SASH1: variants seen among roughly 807,000 people sequenced by gnomAD.
The protein encoded by SASH1 is SAM and SH3 domain containing 1, also known as SAM and SH3 domain-containing protein 1.
A neutral mutation model predicts 125.2 loss-of-function variants in SASH1; 44 were observed. The ratio of observed to expected loss-of-function variants is 0.35; its 90% CI spans 0.28 to 0.45. The LOEUF (loss-of-function observed/expected upper bound fraction) is 0.45, where lower values mean the gene tolerates loss of function less well. SASH1 is among the 20% of genes least tolerant of loss of function. The probability of loss-of-function intolerance (pLI) is 1.00; values close to 1 mark genes in which losing one functional copy is unlikely to be tolerated. For synonymous variants in SASH1, 639 were observed against 649.1 expected (o/e 0.98, Z 0.24); for missense variants, 1,426 against 1,614.5 (o/e 0.88, Z 2.00).
At chr6:148,398,956 T>TG (rs1784060825) in intron 2 of SASH1, among the ~76,000 whole-genome samples, 1 of 152,228 alleles carries the variant, frequency 6.6e-6, no homozygotes. Flanking sequence ...CATGGCACTA[T>TG]GGGAACGTGG....
At position 148,545,998 on chromosome 6, in the gene SASH1, C is replaced by A. The variant is rs1782534752; in HGVS notation, c.3349-17C>A. ...TCCTTATGACTCTTGATGTCATATT[C>A]CTGTTCTCCCTGGCAGCATGGCCGC... On this transcript the variant is annotated splice_polypyrimidine_tract_variant and intron_variant, in intron 18 of 19. Transcript: ENST00000367467. The A allele has an allele frequency of 6.2e-7, 1 of 1,611,070 alleles. No individual in the cohort carries two copies. The highest frequency in any genetic ancestry group is 1.1e-5 in the South Asian group (1 of 90,572).
upstream of SASH1, among the ~76,000 whole-genome samples, chr6:148,338,419 T>C (rs1353487730): frequency 9.2e-6 from 1 of 108,872 alleles, no homozygotes; most frequent in Non-Finnish European, 1.8e-5. Context: ...AGAGTGAGAC[T>C]CCATCTCAAA....
chr6:148,349,880 C>G (rs1053625751), intron 1 of SASH1, among the ~76,000 whole-genome samples: 1 of 150,062 alleles, frequency 6.7e-6, no homozygotes, highest in Non-Finnish European at 1.5e-5. Flanking sequence ...GAGTCTCGCT[C>G]TGTCGCCCAG....
chr6:148,471,607 G>A (rs530571321), intron 6 of SASH1, 104 bp downstream of exon 6: 14 of 708,458 alleles, frequency 2.0e-5, no homozygotes, highest in Admixed American at 8.1e-5. Context: ...GTAACTCACC[G>A]CATGTGCCCA....
chr6:148,541,019 G>T (rs2115441409), intron 17 of SASH1, among the ~76,000 whole-genome samples: 1 of 152,162 alleles, frequency 6.6e-6, no homozygotes, highest in Non-Finnish European at 1.5e-5. Flanking sequence ...CAGTCAGGAA[G>T]TGTAATCAGT....
Position 148,551,688 on chromosome 6 carries a change from T to A in SASH1, c.*3130T>A, listed in dbSNP as rs1322431178. The A allele has an allele frequency of 6.6e-6, 1 of 152,638 alleles. No individual in the cohort carries two copies. Among genetic ancestry groups the A allele is most frequent in the Non-Finnish European group, 1.5e-5 (1 of 68,030 alleles). 9.5% of individuals were successfully genotyped at this position (152,638 alleles called of 1,614,324 possible). A position where few individuals can be genotyped will look rare whatever the true frequency, so the allele number is the denominator to read the frequency against. On this transcript the variant is annotated 3_prime_UTR_variant, in exon 20 of 20. Coordinates refer to ENST00000367467, the MANE Select transcript of SASH1 (RefSeq NM_015278.5). The stretch of plus-strand genomic sequence containing the variant: ...ATTTTCAGAAAAAAATATAATAGTC[T>A]GAGTCCAAGTTATCTTGATTTAAAA...
At chr6:148,206,472 C>A in the SASH1 span, among the ~76,000 whole-genome samples, 1 of 152,002 alleles carries the variant, frequency 6.6e-6, no homozygotes, top group African/African-American at 2.4e-5. Context: ...ATATAACTTG[C>A]CATAAATAGA....
At chr6:148,460,804 A>G (rs1226721570) in intron 4 of SASH1, among the ~76,000 whole-genome samples, 1 of 152,242 alleles carries the variant, frequency 6.6e-6, no homozygotes, top group Non-Finnish European at 1.5e-5. Context: ...TCTAAAAAAC[A>G]TACAAATTGC....
At chr6:148,469,889 G>C (rs1375772563) in intron 5 of SASH1, among the ~76,000 whole-genome samples, 1 of 151,958 alleles carries the variant, frequency 6.6e-6, no homozygotes, top group Non-Finnish European at 1.5e-5. Context: ...AGCTGGGCGT[G>C]GTGGCTCCTG....
intron 1 of SASH1, among the ~76,000 whole-genome samples, chr6:148,308,215 C>T (rs936556443): frequency 2.0e-5 from 3 of 151,850 alleles, no homozygotes; most frequent in South Asian, 2.1e-4. Flanking sequence ...ATATATGTAT[C>T]GCACCTTGGG....
chr6:148,252,366 T>A, the SASH1 span, among the ~76,000 whole-genome samples: 1 of 152,192 alleles, frequency 6.6e-6, no homozygotes, highest in Non-Finnish European at 1.5e-5. Flanking sequence ...GCCATTTTTT[T>A]AGGATGTGAT....
intron 2 of SASH1, among the ~76,000 whole-genome samples, chr6:148,401,277 C>T (rs946164061): frequency 1.3e-5 from 2 of 151,412 alleles, no homozygotes; most frequent in Non-Finnish European, 2.9e-5. Context: ...AAAATTGATG[C>T]GGTCACATCA....
At chr6:148,240,847 CA>C in the SASH1 span, among the ~76,000 whole-genome samples, 1 of 152,148 alleles carries the variant, frequency 6.6e-6, no homozygotes, top group African/African-American at 2.4e-5. Flanking sequence ...AAGGCATAGC[CA>C]ATGATTTTGT....
chr6:148,342,879 C>T lies in SASH1; in HGVS notation c.-189C>T, dbSNP rs1475086069. 3.5e-6 allele frequency: 1 copy of T among 285,104 alleles called. No individual in the cohort carries two copies. The highest frequency in any genetic ancestry group is 2.3e-5 in the African/African-American group (1 of 44,026). The allele number at this position is 285,104 out of a possible 1,614,324, so 17.7% of individuals were successfully genotyped here. On this transcript the variant is annotated 5_prime_UTR_variant, in exon 1 of 20. Transcript: ENST00000367467. ...TTGTCAGTCGCGCAGCCCGTGGCCA[C>T]CTAGACCCGAGGTGCGGGCGCCTGC... is the stretch of plus-strand genomic sequence containing the variant.
At chr6:148,444,587 C>G (rs1353619857) in intron 4 of SASH1, among the ~76,000 whole-genome samples, 1 of 152,194 alleles carries the variant, frequency 6.6e-6, no homozygotes, top group East Asian at 1.9e-4. Flanking sequence ...TTTTCTTACA[C>G]TATCTGGTCT....
intron 10 of SASH1, among the ~76,000 whole-genome samples, chr6:148,522,982 G>A (rs764381268): frequency 6.6e-6 from 1 of 152,178 alleles, no homozygotes; most frequent in East Asian, 1.9e-4. Flanking sequence ...AGATATCTTA[G>A]CCTATCACTG....
At position 148,387,638 on chromosome 6, in the gene SASH1, T is replaced by C. The variant is rs865998911; in HGVS notation, c.157-2496T>C. 2.9e-3 allele frequency among the ~76,000 whole-genome samples: 155 copies of C among 53,810 alleles called. 12 individuals are homozygous for C. In the Middle Eastern group the frequency reaches 0.032, roughly 11 times the overall value. The allele number at this position is 53,810 out of a possible 152,430, so 35.3% of individuals were successfully genotyped here. A position where few individuals can be genotyped will look rare whatever the true frequency, so the allele number is the denominator to read the frequency against. On this transcript the variant is annotated intron_variant, in intron 1 of 19. Transcript: ENST00000367467. ...TTTCTTTCTTTCTTTCTTTCTTTCTTTCTTTCTTTCTTTCTTTCTTTCTTT... is the reference window on the plus strand; with the variant it reads ...TTTCTTTCTTTCTTTCTTTCTTTCTCTCTTTCTTTCTTTCTTTCTTTCTTT...
intron 4 of SASH1, among the ~76,000 whole-genome samples, chr6:148,455,670 T>C (rs1257013575): frequency 1.3e-5 from 2 of 152,212 alleles, no homozygotes; most frequent in African/African-American, 4.8e-5. Context: ...ATTTTCATAG[T>C]ATTTATAACA....
intron 4 of SASH1, among the ~76,000 whole-genome samples, chr6:148,447,630 TCTC>T (rs909467216): frequency 5.3e-5 from 8 of 151,226 alleles, no homozygotes; most frequent in South Asian, 4.2e-4. Context: ...TCCCCTTCCT[TCTC>T]CTCCTCCTCC....
Sources: allele counts gnomAD v4.1 joint callset (sites outside exome capture counted in the v4.1 genomes callset), GRCh38; gene constraint gnomAD v4.1.1; transcripts MANE v1.5; gene names NCBI Gene and HGNC (gene_info 2026-07-23, HGNC 2026-07-21).